Variants in CHN2 observed in about 807,000 individuals in gnomAD.
CHN2 encodes chimerin 2.
In CHN2, 35 loss-of-function variants were observed where a neutral mutation model predicts 56.3. That is an observed-to-expected ratio of 0.62 (90% CI 0.47 to 0.82). The LOEUF (loss-of-function observed/expected upper bound fraction) is 0.82, where lower values mean the gene tolerates loss of function less well. Ranked by LOEUF, CHN2 falls within the 40% of genes least tolerant of loss-of-function variation. The pLI, the probability that CHN2 is intolerant of heterozygous loss-of-function variation, is 0.00. For missense variants in CHN2, 491 were observed against 580.5 expected, an observed-to-expected ratio of 0.85 and a Z score of 1.58; for synonymous variants, 210 against 212.8, an observed-to-expected ratio of 0.99 and a Z score of 0.12.
At position 29,499,898 on chromosome 7, in the gene CHN2, C is replaced by T. The variant is rs1331612661; in HGVS notation, c.771C>T (p.Ser257=). 3 of 1,608,690 alleles carry T rather than the reference C, an allele frequency of 1.9e-6. No homozygotes were observed. Among genetic ancestry groups the T allele is most frequent in the East Asian group, 2.2e-5 (1 of 44,744 alleles). ...GATTGAACGTACACAAACAGTGTTC[C>T]AAGCACGTTCCCAATGACTGCCAAC... ...DCGLNVHKQC[S]KHVPNDCQPD... The change falls in exon 9 of 13, where the codon TCC becomes TCT. Residue 257 remains serine, a synonymous_variant. Coordinates refer to ENST00000222792, the MANE Select transcript of CHN2 (RefSeq NM_004067.4).
At chr7:29,236,818 C>A (rs1364197285) in intron 1 of CHN2, among the ~76,000 whole-genome samples, 2 of 152,182 alleles carry the variant, frequency 1.3e-5, no homozygotes, top group African/African-American at 2.4e-5. Context: ...TTCCTTGGCT[C>A]ATGGCCCCAC....
chr7:29,248,758 C>T (rs556929515), intron 1 of CHN2, among the ~76,000 whole-genome samples: 1 of 152,308 alleles, frequency 6.6e-6, no homozygotes, highest in African/African-American at 2.4e-5. Flanking sequence ...ACATACGATT[C>T]TCAGGCTCTA....
chr7:29,356,674 G>T (rs572492950), intron 2 of CHN2, among the ~76,000 whole-genome samples: 2 of 152,086 alleles, frequency 1.3e-5, no homozygotes, highest in African/African-American at 4.8e-5. Context: ...CTTGTTCTTC[G>T]TTACATAAGT....
intron 6 of CHN2, among the ~76,000 whole-genome samples, chr7:29,477,151 G>A (rs1442015775): frequency 1.3e-5 from 2 of 152,056 alleles, no homozygotes; most frequent in African/African-American, 4.8e-5. Flanking sequence ...TTAATAAGAG[G>A]GTGATCTGAG....
At chr7:29,480,913 G>A (rs1787142766) in intron 7 of CHN2, among the ~76,000 whole-genome samples, 1 of 152,214 alleles carries the variant, frequency 6.6e-6, no homozygotes, top group African/African-American at 2.4e-5. Context: ...CTTGGTCACA[G>A]CCTTTATCCT....
intron 2 of CHN2, among the ~76,000 whole-genome samples, chr7:29,187,214 C>T (rs1353662406): frequency 1.3e-5 from 2 of 152,102 alleles, no homozygotes; most frequent in Admixed American, 6.5e-5. Flanking sequence ...TGGCAGAGAG[C>T]TTAAGTAATC....
intron 1 of CHN2, among the ~76,000 whole-genome samples, chr7:29,248,561 A>G (rs1203115159): frequency 1.3e-5 from 2 of 152,100 alleles, no homozygotes; most frequent in Non-Finnish European, 1.5e-5. Flanking sequence ...TCATTCCCCA[A>G]AACACAGTTC....
At chr7:29,234,098 G>T (rs1786976713) in intron 1 of CHN2, among the ~76,000 whole-genome samples, 1 of 151,560 alleles carries the variant, frequency 6.6e-6, no homozygotes. Context: ...CTCCCAAAGT[G>T]CTGGGATTAC....
chr7:29,280,376 T>G (rs1199833373), intron 1 of CHN2, among the ~76,000 whole-genome samples: 1 of 38,322 alleles, frequency 2.6e-5, no homozygotes, highest in Non-Finnish European at 5.0e-5. Flanking sequence ...AGAGCGAGGC[T>G]CCGTCTCATA....
At chr7:29,498,779 T>TTTTTTTG (rs56980499) in intron 8 of CHN2, among the ~76,000 whole-genome samples, 4 of 81,138 alleles carry the variant, frequency 4.9e-5, no homozygotes, top group Admixed American at 1.3e-4. Context: ...TTTTTTTTTT[T>TTTTTTTG]GGAGACAGAG....
At position 29,305,334 on chromosome 7, in the gene CHN2, A is replaced by C. The variant is rs141844052; in HGVS notation, c.50-49291A>C. ...TGTCAGGCAACCCCATTACGTATGA[A>C]TAAAAGAAATGGCATGGAGAAAACA... On this transcript the variant is annotated intron_variant, in intron 1 of 12. Coordinates refer to ENST00000222792, the MANE Select transcript of CHN2 (RefSeq NM_004067.4). Among the ~76,000 whole-genome samples, 1,338 of 152,308 alleles carry C rather than the reference A, an allele frequency of 8.8e-3. 14 individuals are homozygous for C. The highest frequency in any genetic ancestry group is 0.031 in the African/African-American group (1,272 of 41,554).
At chr7:29,404,628 G>A (rs1026559920) in intron 6 of CHN2, among the ~76,000 whole-genome samples, 10 of 152,094 alleles carry the variant, frequency 6.6e-5, no homozygotes, top group Admixed American at 2.0e-4. Flanking sequence ...ACTTGGAATC[G>A]TTATATGGAA....
At chr7:29,178,458 C>G (rs754802616) in intron 2 of CHN2, among the ~76,000 whole-genome samples, 1 of 152,164 alleles carries the variant, frequency 6.6e-6, no homozygotes, top group African/African-American at 2.4e-5. Flanking sequence ...CAGCTCGTGT[C>G]TGACTCAGCC....
chr7:29,181,519 A>C (rs1299101252), intron 2 of CHN2: 1 of 152,258 alleles, frequency 6.6e-6, no homozygotes, highest in Non-Finnish European at 1.5e-5. Flanking sequence ...ATTTCAATCA[A>C]TGGAGGAATA....
chr7:29,510,362 C>G (rs1791158826), intron 12 of CHN2, among the ~76,000 whole-genome samples: 1 of 152,038 alleles, frequency 6.6e-6, no homozygotes. Flanking sequence ...TTGCTTGAAC[C>G]CGGGAGACGA....
chr7:29,260,138 C>T (rs1020996330), intron 1 of CHN2, among the ~76,000 whole-genome samples: 7 of 151,958 alleles, frequency 4.6e-5, no homozygotes, highest in East Asian at 1.9e-4. Context: ...CCATCATGCC[C>T]GGCTAATTTT....
At chr7:29,502,270 C>G (rs549969810) in intron 9 of CHN2, among the ~76,000 whole-genome samples, 130 of 152,302 alleles carry the variant, frequency 8.5e-4, no homozygotes, top group African/African-American at 3.0e-3. Context: ...GTCTGTTCCA[C>G]CGTGGCAGGA....
intron 1 of CHN2, among the ~76,000 whole-genome samples, chr7:29,321,323 C>T (rs1795327293): frequency 6.6e-6 from 1 of 152,112 alleles, no homozygotes; most frequent in Non-Finnish European, 1.5e-5. Flanking sequence ...TGGAGACTCA[C>T]ATGGAACGCA....
chr7:29,232,304 G>C (rs932092256), intron 1 of CHN2, among the ~76,000 whole-genome samples: 1 of 151,810 alleles, frequency 6.6e-6, no homozygotes, highest in African/African-American at 2.4e-5. Flanking sequence ...TCCTTTCAAA[G>C]CTATTTTAAA....
Sources: gnomAD v4.1 joint callset for allele counts (sites outside exome capture counted in the v4.1 genomes callset) on GRCh38, gnomAD v4.1.1 for gene constraint, MANE v1.5 for transcripts, NCBI Gene and HGNC (gene_info 2026-07-23, HGNC 2026-07-21) for gene names.